The following DOCK3 variants were observed in gnomAD, a reference collection of about 807,000 sequenced individuals.
DOCK3 encodes dedicator of cytokinesis 3, also known as dedicator of cytokinesis protein 3.
Under a neutral mutation model 265.6 loss-of-function variants are expected in DOCK3, and 60 were observed. That is an observed-to-expected ratio of 0.23 (90% CI 0.18 to 0.28). The LOEUF is 0.28. Ranked by LOEUF, DOCK3 falls within the 10% of genes least tolerant of loss-of-function variation. The pLI is 1.00. For synonymous variants in DOCK3, 881 were observed against 938.0 expected (o/e 0.94, Z 1.11); for missense variants, 1,981 against 2,594.3 (o/e 0.76, Z 5.14).
chr3:50,803,205 G>A (rs939396945), intron 2 of DOCK3, among the ~76,000 whole-genome samples: 4 of 151,986 alleles, frequency 2.6e-5, no homozygotes, highest in African/African-American at 7.3e-5. Flanking sequence ...GGTTTTCCTA[G>A]GCAGAGGACC....
At chr3:50,846,982 T>C (rs1306509992) in intron 3 of DOCK3, among the ~76,000 whole-genome samples, 6 of 152,152 alleles carry the variant, frequency 3.9e-5, no homozygotes, top group African/African-American at 1.4e-4. Context: ...CTCAATTTTG[T>C]TCAGTTCTGC....
intron 5 of DOCK3, among the ~76,000 whole-genome samples, chr3:50,995,953 G>A (rs1215985402): frequency 6.6e-6 from 1 of 152,116 alleles, no homozygotes; most frequent in Non-Finnish European, 1.5e-5. Flanking sequence ...CTGGGGTGCA[G>A]TGGTGCGATC....
chr3:51,331,353 A>G (rs2084505131), intron 33 of DOCK3, among the ~76,000 whole-genome samples: 1 of 152,226 alleles, frequency 6.6e-6, no homozygotes, highest in Non-Finnish European at 1.5e-5. Flanking sequence ...GATTTGTCTA[A>G]TTGTGGAAAC....
chr3:51,062,855 C>T (rs2081459812), intron 5 of DOCK3, among the ~76,000 whole-genome samples: 2 of 152,144 alleles, frequency 1.3e-5, no homozygotes, highest in Admixed American at 1.3e-4. Flanking sequence ...TATCACATTG[C>T]CTTTATGGCT....
At chr3:50,940,240 C>CCAGGAG (rs1302072444) in intron 5 of DOCK3, among the ~76,000 whole-genome samples, 1 of 150,588 alleles carries the variant, frequency 6.6e-6, no homozygotes, top group Non-Finnish European at 1.5e-5. Flanking sequence ...CTGCTTGAGC[C>CCAGGAG]CAGGAGTTTG....
intron 2 of DOCK3, among the ~76,000 whole-genome samples, chr3:50,826,227 G>A (rs2044747095): frequency 6.6e-6 from 1 of 150,886 alleles, no homozygotes. Context: ...TGGCAGCTGC[G>A]TTCTGTAGTT....
intron 3 of DOCK3, among the ~76,000 whole-genome samples, chr3:50,845,416 A>G (rs1241686244): frequency 2.0e-5 from 3 of 152,150 alleles, no homozygotes; most frequent in African/African-American, 7.2e-5. Flanking sequence ...ATAATTGTGA[A>G]CAGAATGCGT....
At chr3:51,229,397 GCTGAGAT>G (rs1310339270) in intron 18 of DOCK3, 108 bp from the exon 19 acceptor site, 6 of 613,806 alleles carry the variant, frequency 9.8e-6, no homozygotes, top group Non-Finnish European at 1.0e-5. Context: ...GTTGCAGTGA[GCTGAGAT>G]CATACAACCG....
At chr3:50,816,914 C>G (rs897751770) in intron 2 of DOCK3, among the ~76,000 whole-genome samples, 5 of 152,008 alleles carry the variant, frequency 3.3e-5, no homozygotes, top group African/African-American at 1.2e-4. Context: ...AATCCAGACC[C>G]CAAGAGAGGA....
At chr3:51,014,814 T>A (rs930244924) in intron 5 of DOCK3, among the ~76,000 whole-genome samples, 9 of 152,162 alleles carry the variant, frequency 5.9e-5, no homozygotes, top group Admixed American at 3.9e-4. Context: ...CCTCTTCAAT[T>A]TCTTTCACCA....
chr3:50,934,036 A>G lies in DOCK3; in HGVS notation c.274A>G (p.Thr92Ala), dbSNP rs1157306712. Residue 92 changes from threonine (T) to alanine (A), a missense_variant, in exon 5 of 53, where the codon ACT becomes GCT. By Grantham distance (58) the Thr-to-Ala change is moderately conservative. Transcript: ENST00000266037. ...EDSIVTEVTA[T>A]LQEWASLWKQ... ...TTCTATTGTGACTGAGGTTACAGCAACTCTACAAGAATGGGCAAGTTTGTG... is the reference window on the plus strand; with the variant it reads ...TTCTATTGTGACTGAGGTTACAGCAGCTCTACAAGAATGGGCAAGTTTGTG... 12 of 1,610,836 alleles carry G rather than the reference A, an allele frequency of 7.4e-6. No individual in the cohort carries two copies. The highest frequency in any genetic ancestry group is 5.0e-5 in the Admixed American group (3 of 59,784).
chr3:50,799,283 G>T (rs139978979), intron 2 of DOCK3, among the ~76,000 whole-genome samples: 2 of 152,094 alleles, frequency 1.3e-5, no homozygotes, highest in Non-Finnish European at 2.9e-5. Flanking sequence ...GGATTGCATC[G>T]AATCTGTAGA....
intron 32 of DOCK3, among the ~76,000 whole-genome samples, chr3:51,323,542 G>A (rs899212693): frequency 7.9e-5 from 12 of 152,024 alleles, no homozygotes; most frequent in African/African-American, 2.2e-4. Context: ...ACTCAAAACC[G>A]CACAACTATA....
At chr3:51,256,154 T>G (rs1268420888) in intron 22 of DOCK3, among the ~76,000 whole-genome samples, 1 of 152,226 alleles carries the variant, frequency 6.6e-6, no homozygotes, top group African/African-American at 2.4e-5. Flanking sequence ...CCTGTTTGCC[T>G]GGTTATCACC....
At chr3:51,372,293 G>T (rs1181711229) in intron 49 of DOCK3, among the ~76,000 whole-genome samples, 2 of 152,230 alleles carry the variant, frequency 1.3e-5, no homozygotes, top group African/African-American at 2.4e-5. Flanking sequence ...TTGTTCAAAT[G>T]TTTTCATGAA....
At chr3:51,206,562 T>TA (rs1177422501) in intron 12 of DOCK3, among the ~76,000 whole-genome samples, 93 of 147,812 alleles carry the variant, frequency 6.3e-4, no homozygotes, top group East Asian at 2.7e-3. Context: ...CTGAATCCTT[T>TA]AAAAAAAAAA....
At chr3:51,065,789 C>CA (rs375062624) in intron 6 of DOCK3, among the ~76,000 whole-genome samples, 1 of 151,992 alleles carries the variant, frequency 6.6e-6, no homozygotes, top group East Asian at 1.9e-4. Context: ...TACCCATGTA[C>CA]AAAAAAACTC....
chr3:51,019,022 A>G (rs918419216), intron 5 of DOCK3, among the ~76,000 whole-genome samples: 7 of 151,740 alleles, frequency 4.6e-5, no homozygotes, highest in African/African-American at 1.7e-4. Context: ...ATGAGCTACC[A>G]CCACACCTGG....
At chr3:50,926,981 C>G (rs1438735419) in intron 4 of DOCK3, among the ~76,000 whole-genome samples, 1 of 152,168 alleles carries the variant, frequency 6.6e-6, no homozygotes, top group Non-Finnish European at 1.5e-5. Flanking sequence ...TCTAGCGACT[C>G]CCGTCTCACA....
Sources: gnomAD v4.1 joint callset for allele counts (sites outside exome capture counted in the v4.1 genomes callset) on GRCh38, gnomAD v4.1.1 for gene constraint, MANE v1.5 for transcripts, NCBI Gene and HGNC (gene_info 2026-07-23, HGNC 2026-07-21) for gene names.